GRIK1: variants seen among roughly 807,000 people sequenced by gnomAD.
GRIK1 encodes glutamate receptor ionotropic, kainate 1.
GRIK1 carries 69 observed loss-of-function variants against 105.7 expected under a neutral mutation model. The ratio of observed to expected loss-of-function variants is 0.65; its 90% CI spans 0.54 to 0.80. The LOEUF (loss-of-function observed/expected upper bound fraction) is 0.80. Among genes scored for constraint, GRIK1 ranks in the 30% least tolerant of loss-of-function variants. The probability of loss-of-function intolerance (pLI) is 0.00; values close to 1 mark genes in which losing one functional copy is unlikely to be tolerated. For synonymous variants in GRIK1, 438 were observed against 431.3 expected, an observed-to-expected ratio of 1.02 and a Z score of -0.19; for missense variants, 1,109 against 1,167.3, an observed-to-expected ratio of 0.95 and a Z score of 0.73.
intron 1 of GRIK1, among the ~76,000 whole-genome samples, chr21:29,774,290 C>G (rs1382725420): frequency 6.6e-6 from 1 of 152,082 alleles, no homozygotes. Context: ...TATTATTCAA[C>G]AACTTAAGCA....
intron 1 of GRIK1, among the ~76,000 whole-genome samples, chr21:29,730,707 C>T (rs1348498103): frequency 2.0e-5 from 3 of 152,064 alleles, no homozygotes; most frequent in Non-Finnish European, 4.4e-5. Context: ...TTTGTTTGCT[C>T]ATTTATTTAT....
chr21:29,817,708 C>T (rs1230809860), intron 1 of GRIK1, among the ~76,000 whole-genome samples: 1 of 152,116 alleles, frequency 6.6e-6, no homozygotes, highest in East Asian at 1.9e-4. Context: ...AAAATCACAG[C>T]AGACCTGCAG....
intron 1 of GRIK1, among the ~76,000 whole-genome samples, chr21:29,769,037 T>G (rs2065745726): frequency 6.6e-6 from 1 of 152,210 alleles, no homozygotes; most frequent in Non-Finnish European, 1.5e-5. Context: ...ATTTTTTTTC[T>G]TAATGATTAT....
intron 6 of GRIK1, among the ~76,000 whole-genome samples, 164 bp from the exon 7 acceptor site, chr21:29,643,133 A>G (rs1049198353): frequency 3.3e-5 from 5 of 152,130 alleles, no homozygotes; most frequent in African/African-American, 7.2e-5. Context: ...TTTTTCTCCA[A>G]AATAATACCT....
At chr21:29,861,806 T>C (rs1164788301) in intron 1 of GRIK1, 1 of 278,774 alleles carries the variant, frequency 3.6e-6, no homozygotes, top group African/African-American at 2.3e-5. Context: ...ATACCTAGAA[T>C]AAGTCCATTT....
At chr21:29,735,379 G>T (rs909183623) in intron 1 of GRIK1, among the ~76,000 whole-genome samples, 1 of 152,120 alleles carries the variant, frequency 6.6e-6, no homozygotes, top group African/African-American at 2.4e-5. Flanking sequence ...GAGGGGTACC[G>T]CTTTCTAATT....
chr21:29,557,193 AT>A (rs1182596658), intron 15 of GRIK1, among the ~76,000 whole-genome samples: 3 of 152,126 alleles, frequency 2.0e-5, no homozygotes, highest in South Asian at 4.2e-4. Context: ...TCTTGTTAGC[AT>A]TTCTTCTACT....
chr21:29,713,807 T>C (rs2064113407), intron 1 of GRIK1, among the ~76,000 whole-genome samples: 1 of 152,186 alleles, frequency 6.6e-6, no homozygotes, highest in South Asian at 2.1e-4. Context: ...TTTCTGGAAA[T>C]ACAGCTGAAC....
intron 1 of GRIK1, among the ~76,000 whole-genome samples, chr21:29,707,440 C>CT: frequency 2.8e-5 from 2 of 70,626 alleles, no homozygotes; most frequent in African/African-American, 5.8e-5. Flanking sequence ...TCCTCCCTCC[C>CT]TCCCTCCCTC....
At chr21:29,780,335 G>A (rs903957731) in intron 1 of GRIK1, among the ~76,000 whole-genome samples, 4 of 152,020 alleles carry the variant, frequency 2.6e-5, no homozygotes, top group African/African-American at 9.7e-5. Flanking sequence ...TACCCATCTT[G>A]GACATAGTTA....
chr21:29,857,496 G>A (rs1326527431), intron 1 of GRIK1, among the ~76,000 whole-genome samples: 3 of 152,066 alleles, frequency 2.0e-5, no homozygotes, highest in Admixed American at 2.0e-4. Context: ...GATCTGTCTG[G>A]GAAATAACAA....
At chr21:29,848,298 AT>A (rs2068191381) in intron 1 of GRIK1, among the ~76,000 whole-genome samples, 2 of 152,162 alleles carry the variant, frequency 1.3e-5, no homozygotes, top group Admixed American at 1.3e-4. Context: ...TGCCAACAGT[AT>A]CACTGTCTGG....
intron 3 of GRIK1, among the ~76,000 whole-genome samples, chr21:29,680,395 G>A (rs940318920): frequency 8.1e-5 from 12 of 148,272 alleles, no homozygotes; most frequent in Admixed American, 2.0e-4. Context: ...GAACCTGAGC[G>A]TATCTTACTC....
chr21:29,775,134 T>C (rs1163973405), intron 1 of GRIK1, among the ~76,000 whole-genome samples: 2 of 152,016 alleles, frequency 1.3e-5, no homozygotes. Context: ...CTGACCAACC[T>C]GGCGAAACCC....
At chr21:29,817,182 TG>T (rs1185575233) in intron 1 of GRIK1, among the ~76,000 whole-genome samples, 1 of 152,112 alleles carries the variant, frequency 6.6e-6, no homozygotes, top group Admixed American at 6.6e-5. Context: ...CAACTCTATC[TG>T]GTCAGATTTG....
At chr21:29,575,220 T>C (rs940885834) in intron 14 of GRIK1, among the ~76,000 whole-genome samples, 1 of 152,198 alleles carries the variant, frequency 6.6e-6, no homozygotes, top group Admixed American at 6.5e-5. Context: ...AAGAAATGTG[T>C]ACTTTTTTTT....
chr21:29,748,095 T>C (rs566853264), intron 1 of GRIK1: 1 of 152,350 alleles, frequency 6.6e-6, no homozygotes, highest in South Asian at 2.1e-4. Flanking sequence ...TAAGTATTCA[T>C]TTAAGTTCTT....
At chr21:29,671,677 C>T (rs775716822) in intron 4 of GRIK1, among the ~76,000 whole-genome samples, 8 of 152,196 alleles carry the variant, frequency 5.3e-5, no homozygotes, top group Non-Finnish European at 7.3e-5. Flanking sequence ...CAATCAACAA[C>T]ATAGCAACCC....
At chr21:29,906,692 G>C (rs560066300) in intron 1 of GRIK1, among the ~76,000 whole-genome samples, 13 of 152,186 alleles carry the variant, frequency 8.5e-5, no homozygotes, top group Admixed American at 8.5e-4. Flanking sequence ...TAAGACAAAA[G>C]AGTTAAAATA....
Sources: allele counts gnomAD v4.1 joint callset (sites outside exome capture counted in the v4.1 genomes callset), GRCh38; gene constraint gnomAD v4.1.1; transcripts MANE v1.5; gene names NCBI Gene and HGNC (gene_info 2026-07-23, HGNC 2026-07-21).